Variants in CMC1 observed in about 807,000 individuals in gnomAD.
CMC1 encodes COX assembly mitochondrial protein homolog.
In CMC1, 14 loss-of-function variants were observed where a neutral mutation model predicts 14.1. That is an observed-to-expected ratio of 0.99 (90% confidence interval 0.66 to 1.55). The LOEUF is 1.55. CMC1 is among the 40% of genes most tolerant of loss of function. The pLI, the probability that CMC1 is intolerant of heterozygous loss-of-function variation, is 0.00. For missense variants in CMC1, 127 were observed against 123.8 expected (o/e 1.03, Z -0.12); for synonymous variants, 50 against 38.4 (o/e 1.30, Z -1.12).
intron 2 of CMC1, among the ~76,000 whole-genome samples, chr3:28,307,424 G>A (rs1364385371): frequency 6.6e-6 from 1 of 152,124 alleles, no homozygotes; most frequent in Non-Finnish European, 1.5e-5. Context: ...AGCTACTCGG[G>A]AGGCTGAGGT....
chr3:28,243,429 A>C lies in CMC1; in HGVS notation c.19+1617A>C, dbSNP rs534521571. Among the ~76,000 whole-genome samples, 8 of 152,106 alleles carry C rather than the reference A, an allele frequency of 5.3e-5. No homozygotes were observed. The South Asian group carries it at 1.7e-3, about 32-fold the overall frequency. On this transcript the variant is annotated intron_variant, in intron 1 of 3. Coordinates refer to ENST00000466830, the MANE Select transcript of CMC1 (RefSeq NM_182523.2). ...CGGATGAGGAGACTGAGAATGAGAG[A>C]GGTTAAAGATTTCCATATATCTACA...
intron 2 of CMC1, among the ~76,000 whole-genome samples, chr3:28,304,008 G>C (rs1489896781): frequency 6.6e-6 from 1 of 152,034 alleles, no homozygotes; most frequent in Non-Finnish European, 1.5e-5. Context: ...TAAAACAGTA[G>C]CCAAATCATC....
chr3:28,308,993 AAT>A (rs745398614), intron 2 of CMC1, among the ~76,000 whole-genome samples: 32,562 of 149,088 alleles, frequency 0.22, 3,996 homozygotes, highest in Middle Eastern at 0.28. Context: ...AAAAAAAATA[AAT>A]AAATAAATAA....
At chr3:28,319,155 CT>C (rs1277419695) in intron 3 of CMC1, 27 of 437,466 alleles carry the variant, frequency 6.2e-5, no homozygotes, top group Admixed American at 3.3e-4. Context: ...CTTGAAACCT[CT>C]GCCCTCCCCA....
chr3:28,255,112 T>C (rs1255297757), intron 1 of CMC1, among the ~76,000 whole-genome samples: 1 of 152,134 alleles, frequency 6.6e-6, no homozygotes, highest in Non-Finnish European at 1.5e-5. Flanking sequence ...AAACTAGCAG[T>C]CCTCCTTGAA....
chr3:28,316,270 G>C, intron 2 of CMC1, 63 bp from the exon 3 acceptor site: 1 of 768,580 alleles, frequency 1.3e-6, no homozygotes, highest in South Asian at 2.2e-5. Context: ...GAAGAAAATT[G>C]TGTGTGTGGG....
intron 2 of CMC1, among the ~76,000 whole-genome samples, chr3:28,276,790 A>T (rs1039445192): frequency 6.6e-6 from 1 of 152,230 alleles, no homozygotes. Context: ...AAAAATAACA[A>T]AGGAGGCATT....
rs17021314 is a variant in CMC1, at chr3:28,266,137, A to G, written c.109+2757A>G. Among the ~76,000 whole-genome samples, 974 of 152,316 alleles carry G rather than the reference A, an allele frequency of 6.4e-3. 8 individuals are homozygous for G. Among genetic ancestry groups the G allele is most frequent in the African/African-American group, 0.022 (919 of 41,562 alleles). Reference sequence around the variant, plus strand: ...AGCTTACATGATACCCTCTTTATCTATACACCATTGGTTTTTACTTAATGT... The same window carrying G: ...AGCTTACATGATACCCTCTTTATCTGTACACCATTGGTTTTTACTTAATGT... On this transcript the variant is annotated intron_variant, in intron 2 of 3. Coordinates refer to ENST00000466830, the MANE Select transcript of CMC1 (RefSeq NM_182523.2).
At chr3:28,264,783 T>C (rs577002220) in intron 2 of CMC1, among the ~76,000 whole-genome samples, 1 of 152,298 alleles carries the variant, frequency 6.6e-6, no homozygotes, top group Non-Finnish European at 1.5e-5. Flanking sequence ...CTAGGAAAAT[T>C]TACTTATTAC....
intron 1 of CMC1, among the ~76,000 whole-genome samples, chr3:28,254,699 A>G (rs1287608904): frequency 6.6e-6 from 1 of 152,224 alleles, no homozygotes; most frequent in Non-Finnish European, 1.5e-5. Context: ...TGGAAGATTT[A>G]TAGAGCAAAT....
At chr3:28,273,207 T>C (rs760249692) in intron 2 of CMC1, among the ~76,000 whole-genome samples, 1 of 152,194 alleles carries the variant, frequency 6.6e-6, no homozygotes, top group Non-Finnish European at 1.5e-5. Context: ...GAACTTGTTA[T>C]TGTTTTTTGT....
In CMC1 at chr3:28,305,779, A is replaced by ATTTTT. The variant is rs71087685; in HGVS notation, c.110-10527_110-10523dup. ...GTGTCCAGAAGAGTTTTTCATAGGAATTTTTTTTTTTTTTTTTTTTTTTTT... is the reference window on the plus strand; with the variant it reads ...GTGTCCAGAAGAGTTTTTCATAGGAATTTTTTTTTTTTTTTTTTTTTTTTTTTTTT... On this transcript the variant is annotated intron_variant, in intron 2 of 3. Transcript: ENST00000466830. Among the ~76,000 whole-genome samples the ATTTTT allele has an allele frequency of 5.2e-3, 227 of 43,572 alleles. 4 individuals are homozygous for ATTTTT. Among genetic ancestry groups the ATTTTT allele is most frequent in the Middle Eastern group, 0.024 (1 of 42 alleles). 28.6% of individuals were successfully genotyped at this position (43,572 alleles called of 152,430 possible).
At position 28,250,096 on chromosome 3, in the gene CMC1, C is replaced by G. The variant is rs1408700223; in HGVS notation, c.19+8284C>G. On this transcript the variant is annotated intron_variant, in intron 1 of 3. Transcript: ENST00000466830. ...TAATTACCTCCCAAAAGCACTGTCT[C>G]CACATACAGTCACATTGAGGGTTAG... Among the ~76,000 whole-genome samples the G allele has an allele frequency of 3.3e-5, 5 of 152,162 alleles. No individual in the cohort carries two copies. In the East Asian group the frequency reaches 9.6e-4, roughly 29 times the overall value.
chr3:28,277,580 G>A (rs1405651449), intron 2 of CMC1, among the ~76,000 whole-genome samples: 8 of 152,090 alleles, frequency 5.3e-5, no homozygotes, highest in Admixed American at 4.6e-4. Context: ...AGGTCAGTGG[G>A]GAGTGCTGAT....
chr3:28,288,099 T>A (rs945358304), intron 2 of CMC1, among the ~76,000 whole-genome samples: 1 of 152,078 alleles, frequency 6.6e-6, no homozygotes, highest in Admixed American at 6.5e-5. Flanking sequence ...ACAAAAAAAA[T>A]TATTGAACAG....
intron 2 of CMC1, among the ~76,000 whole-genome samples, chr3:28,273,119 C>G (rs1056253258): frequency 1.3e-5 from 2 of 152,164 alleles, no homozygotes; most frequent in African/African-American, 4.8e-5. Flanking sequence ...CTTTGTACCT[C>G]TGGTAGAATT....
At chr3:28,264,317 T>C (rs1191655067) in intron 2 of CMC1, among the ~76,000 whole-genome samples, 2 of 152,064 alleles carry the variant, frequency 1.3e-5, no homozygotes, top group African/African-American at 4.8e-5. Flanking sequence ...CAGGACTGGG[T>C]CAATAACATT....
chr3:28,268,851 T>G (rs1177821604), intron 2 of CMC1, among the ~76,000 whole-genome samples: 1 of 152,220 alleles, frequency 6.6e-6, no homozygotes, highest in African/African-American at 2.4e-5. Flanking sequence ...ATTTTAAAAA[T>G]AACTGAACAA....
chr3:28,312,729 A>G (rs947033420), intron 2 of CMC1, among the ~76,000 whole-genome samples: 1 of 152,214 alleles, frequency 6.6e-6, no homozygotes, highest in African/African-American at 2.4e-5. Flanking sequence ...AATTATATAG[A>G]CTACTTGTAC....
Sources: gnomAD v4.1 joint callset for allele counts (sites outside exome capture counted in the v4.1 genomes callset) on GRCh38, gnomAD v4.1.1 for gene constraint, MANE v1.5 for transcripts, NCBI Gene and HGNC (gene_info 2026-07-23, HGNC 2026-07-21) for gene names.